KAZN: variants seen among roughly 807,000 people sequenced by gnomAD.
The protein encoded by KAZN is kazrin.
Under a neutral mutation model 87.4 loss-of-function variants are expected in KAZN, and 40 were observed. That is an observed-to-expected ratio of 0.46 (90% CI 0.36 to 0.60). The LOEUF (loss-of-function observed/expected upper bound fraction) is 0.60, where lower values mean the gene tolerates loss of function less well. Among genes scored for constraint, KAZN ranks in the 20% least tolerant of loss-of-function variants. The pLI is 0.00. For missense variants in KAZN, 898 were observed against 1,073.9 expected (o/e 0.84, Z 2.29); for synonymous variants, 466 against 458.3 (o/e 1.02, Z -0.22).
chr1:14,957,831 G>A (rs1345324797), intron 1 of KAZN, among the ~76,000 whole-genome samples: 1 of 152,238 alleles, frequency 6.6e-6, no homozygotes, highest in Non-Finnish European at 1.5e-5. Context: ...GGGGCGGGGA[G>A]GCTGTCGGCA....
chr1:13,971,377 A>T (rs967297465), intron 1 of KAZN, among the ~76,000 whole-genome samples: 5 of 152,188 alleles, frequency 3.3e-5, no homozygotes, highest in Non-Finnish European at 5.9e-5. Context: ...TATAGGGTGG[A>T]CTAGAGTTAC....
intron 1 of KAZN, among the ~76,000 whole-genome samples, chr1:14,946,876 C>A (rs1051348612): frequency 1.3e-5 from 2 of 152,162 alleles, no homozygotes; most frequent in African/African-American, 4.8e-5. Context: ...AGACTTTCCT[C>A]TAGGCTTTGG....
chr1:14,839,331 T>C (rs1647659213), intron 1 of KAZN, among the ~76,000 whole-genome samples: 1 of 152,094 alleles, frequency 6.6e-6, no homozygotes, highest in Non-Finnish European at 1.5e-5. Flanking sequence ...ATGAGCTGGG[T>C]GTGAGGAAGT....
chr1:14,459,151 C>T (rs1466224753), intron 2 of KAZN, among the ~76,000 whole-genome samples: 1 of 152,130 alleles, frequency 6.6e-6, no homozygotes, highest in East Asian at 1.9e-4. Flanking sequence ...GCTTCCTGTG[C>T]TCACTAGGAG....
At chr1:14,125,271 T>C (rs1644839878) in intron 1 of KAZN, among the ~76,000 whole-genome samples, 2 of 152,098 alleles carry the variant, frequency 1.3e-5, no homozygotes, top group Admixed American at 6.5e-5. Flanking sequence ...CTATCAAAAA[T>C]GTCTTTTCCG....
At chr1:15,100,997 G>A (rs1573305544) in intron 10 of KAZN, among the ~76,000 whole-genome samples, 1 of 152,180 alleles carries the variant, frequency 6.6e-6, no homozygotes, top group Admixed American at 6.5e-5. Flanking sequence ...GGGGGCTTAG[G>A]TGGAGGGGCG....
In KAZN at chr1:14,914,002, C is replaced by T. The variant is rs576632075; in HGVS notation, c.227-46682C>T. Among the ~76,000 whole-genome samples, 15 of 152,320 alleles carry T rather than the reference C, an allele frequency of 9.8e-5. No homozygotes were observed. The East Asian group carries it at 1.4e-3, about 14-fold the overall frequency. On this transcript the variant is annotated intron_variant, in intron 1 of 14. Coordinates refer to ENST00000376030, the MANE Select transcript of KAZN (RefSeq NM_201628.3). ...AGCCACTGAAAACGCGACCTTGCCA[C>T]GCTCCACTGCCTCCTTCCTCCCCAC...
At chr1:14,492,204 C>G (rs1480243993) in intron 2 of KAZN, among the ~76,000 whole-genome samples, 1 of 152,044 alleles carries the variant, frequency 6.6e-6, no homozygotes, top group Admixed American at 6.5e-5. Context: ...CAGACTTGCC[C>G]AAGAAGAGTG....
At chr1:14,663,073 C>T (rs892261185) in intron 1 of KAZN, among the ~76,000 whole-genome samples, 1 of 151,670 alleles carries the variant, frequency 6.6e-6, no homozygotes, top group South Asian at 2.1e-4. Flanking sequence ...TGGGCTCAAG[C>T]GATCTTCCTA....
intron 1 of KAZN, among the ~76,000 whole-genome samples, chr1:14,711,456 CGACACGCAGGTTCTA>C (rs1642482391): frequency 6.6e-6 from 1 of 151,924 alleles, no homozygotes; most frequent in African/African-American, 2.4e-5. Context: ...AAGAAAGGCA[CGACACGCAGGTTCTA>C]GCATGGTTCC....
chr1:13,971,198 T>G (rs908103854), intron 1 of KAZN, among the ~76,000 whole-genome samples: 4 of 152,200 alleles, frequency 2.6e-5, no homozygotes, highest in African/African-American at 4.8e-5. Context: ...TTTGGATGTG[T>G]TCTTATGGCC....
chr1:14,734,559 C>T (rs577818050), intron 1 of KAZN, among the ~76,000 whole-genome samples: 2 of 152,206 alleles, frequency 1.3e-5, no homozygotes, highest in South Asian at 2.1e-4. Context: ...GTGATACACC[C>T]GCCTTGGCCT....
intron 2 of KAZN, among the ~76,000 whole-genome samples, chr1:14,210,400 G>T (rs563003417): frequency 1.5e-3 from 227 of 152,198 alleles, no homozygotes; most frequent in African/African-American, 5.1e-3. Flanking sequence ...ACCCAGTCTC[G>T]GGTATGTCTT....
chr1:15,074,469 G>A (rs1030430555), intron 8 of KAZN, among the ~76,000 whole-genome samples: 1 of 152,090 alleles, frequency 6.6e-6, no homozygotes, highest in African/African-American at 2.4e-5. Flanking sequence ...GGTGTCCCCC[G>A]GCTTCCCTGC....
chr1:14,393,540 A>G (rs370104759), intron 2 of KAZN, among the ~76,000 whole-genome samples: 22 of 152,152 alleles, frequency 1.4e-4, no homozygotes, highest in African/African-American at 5.3e-4. Flanking sequence ...TTGTAGAATA[A>G]TAGTTCATAG....
intron 1 of KAZN, among the ~76,000 whole-genome samples, chr1:14,844,351 G>C (rs1648410940): frequency 6.6e-6 from 1 of 152,204 alleles, no homozygotes; most frequent in Non-Finnish European, 1.5e-5. Context: ...TTGATGTGGA[G>C]GTAAAATTAG....
At chr1:14,041,645 A>G (rs899590599) in intron 1 of KAZN, among the ~76,000 whole-genome samples, 11 of 151,948 alleles carry the variant, frequency 7.2e-5, no homozygotes, top group African/African-American at 2.7e-4. Context: ...TCTCTCTTCC[A>G]TTATCCTGGA....
intron 2 of KAZN, among the ~76,000 whole-genome samples, chr1:14,963,476 G>A (rs1664121324): frequency 6.6e-6 from 1 of 152,158 alleles, no homozygotes; most frequent in South Asian, 2.1e-4. Flanking sequence ...ATGGTCGCAG[G>A]GAAGGAAGTT....
rs145191904 is a variant in KAZN, at chr1:14,194,424, G to C, written c.249+13832G>C. 3.6e-3 allele frequency among the ~76,000 whole-genome samples: 553 copies of C among 152,306 alleles called. 4 individuals carry two copies. The highest frequency in any genetic ancestry group is 0.013 in the African/African-American group (524 of 41,570). On this transcript the variant is annotated intron_variant, in intron 2 of 16. Coordinates refer to the KAZN transcript ENST00000636203. Reference sequence around the variant, plus strand: ...AAATTCCTCTCCCAGGACTTTTCCAGTTCCCTGGACTGTTACTTGCTCTTT... The same window carrying C: ...AAATTCCTCTCCCAGGACTTTTCCACTTCCCTGGACTGTTACTTGCTCTTT...
Sources: gnomAD v4.1 joint callset for allele counts (sites outside exome capture counted in the v4.1 genomes callset) on GRCh38, gnomAD v4.1.1 for gene constraint, MANE v1.5 for transcripts, NCBI Gene and HGNC (gene_info 2026-07-23, HGNC 2026-07-21) for gene names.